Variants in PRELID2 observed in about 807,000 individuals in gnomAD.
PRELID2 encodes PRELI domain containing 2.
Under a neutral mutation model 28.4 loss-of-function variants are expected in PRELID2, and 25 were observed. The ratio of observed to expected loss-of-function variants is 0.88; its 90% CI spans 0.64 to 1.23. PRELID2 has a LOEUF of 1.23. Among genes scored for constraint, PRELID2 ranks in the 50% most tolerant of loss-of-function variants. PRELID2 has a pLI of 0.00. For synonymous variants in PRELID2, 76 were observed against 71.6 expected (o/e 1.06, Z -0.31); for missense variants, 201 against 214.4 (o/e 0.94, Z 0.39).
the PRELID2 span, among the ~76,000 whole-genome samples, chr5:145,363,314 CA>C: frequency 6.6e-6 from 1 of 151,932 alleles, no homozygotes; most frequent in South Asian, 2.1e-4. Context: ...TATTAGTATC[CA>C]AATTAGGGAA....
At chr5:145,411,690 C>G in the PRELID2 span, among the ~76,000 whole-genome samples, 1 of 152,188 alleles carries the variant, frequency 6.6e-6, no homozygotes, top group Non-Finnish European at 1.5e-5. Flanking sequence ...CTAGGCAGTG[C>G]TCCAGTGGAG....
the PRELID2 span, among the ~76,000 whole-genome samples, chr5:145,455,574 G>A: frequency 5.9e-5 from 9 of 152,308 alleles, no homozygotes; most frequent in Non-Finnish European, 7.4e-5. Flanking sequence ...TCCTATCCAT[G>A]AGCATGAAAT....
At chr5:145,832,773 C>CCACACCACACCACA (rs927396477) in intron 1 of PRELID2, among the ~76,000 whole-genome samples, 2 of 151,880 alleles carry the variant, frequency 1.3e-5, no homozygotes, top group African/African-American at 4.8e-5. Flanking sequence ...CATACACACA[C>CCACACCACACCACA]CACACCACAC....
intron 1 of PRELID2, among the ~76,000 whole-genome samples, chr5:145,567,847 A>G (rs1580980003): frequency 6.6e-6 from 1 of 152,172 alleles, no homozygotes; most frequent in South Asian, 2.1e-4. Context: ...TCCTTTCTAA[A>G]TTGTGTAATC....
chr5:145,426,826 G>A, the PRELID2 span, among the ~76,000 whole-genome samples: 2 of 152,164 alleles, frequency 1.3e-5, no homozygotes, highest in Non-Finnish European at 2.9e-5. Flanking sequence ...TATGGAGAAA[G>A]AAAAGAATAA....
the PRELID2 span, among the ~76,000 whole-genome samples, chr5:145,413,046 T>C: frequency 2.6e-5 from 4 of 152,144 alleles, no homozygotes; most frequent in Non-Finnish European, 5.9e-5. Flanking sequence ...CAATTCAAGA[T>C]GAGATTTTAG....
chr5:145,748,472 A>G lies in PRELID2; in HGVS notation n.70+16459T>C, dbSNP rs1275750035. Among the ~76,000 whole-genome samples, 10 of 152,192 alleles carry G rather than the reference A, an allele frequency of 6.6e-5. 1 individual carries two copies. In the South Asian group the frequency reaches 2.1e-3, roughly 31 times the overall value. ...ACAAACCACTGCTCAAGGATATAAA[A>G]GAGGACACAAACAAATGAAGAAACA... On this transcript the variant is annotated intron_variant and non_coding_transcript_variant, in intron 1 of 2. Coordinates refer to the PRELID2 transcript ENST00000510259.
chr5:145,811,063 C>T (rs1431267929), intron 4 of PRELID2, among the ~76,000 whole-genome samples: 3 of 107,722 alleles, frequency 2.8e-5, no homozygotes, highest in Non-Finnish European at 5.1e-5. Flanking sequence ...GCAAAAGGCA[C>T]GTCTTACATG....
At chr5:145,229,483 T>C in the PRELID2 span, 14 of 1,035,238 alleles carry the variant, frequency 1.4e-5, no homozygotes, top group Non-Finnish European at 1.9e-5. Context: ...CCCCTGACAT[T>C]CTCAAGATCC....
chr5:145,544,540 T>C (rs1026067760), intron 1 of PRELID2, among the ~76,000 whole-genome samples: 33 of 152,230 alleles, frequency 2.2e-4, no homozygotes, highest in East Asian at 1.4e-3. Flanking sequence ...TTCTGGAGAC[T>C]TGGCATCTCA....
chr5:145,298,826 T>C, the PRELID2 span, among the ~76,000 whole-genome samples: 1 of 152,190 alleles, frequency 6.6e-6, no homozygotes, highest in African/African-American at 2.4e-5. Context: ...TAAAGTTATA[T>C]ATTTTACAAT....
chr5:145,767,888 A>G (rs1378720589), intron 5 of PRELID2, among the ~76,000 whole-genome samples: 1 of 152,184 alleles, frequency 6.6e-6, no homozygotes, highest in Non-Finnish European at 1.5e-5. Flanking sequence ...ATCATTTCTG[A>G]AGATATAGTA....
At chr5:145,829,182 T>G (rs944544619) in intron 1 of PRELID2, among the ~76,000 whole-genome samples, 1 of 152,182 alleles carries the variant, frequency 6.6e-6, no homozygotes, top group Non-Finnish European at 1.5e-5. Flanking sequence ...ATTATAGGCA[T>G]GAGCCACCAT....
intron 1 of PRELID2, among the ~76,000 whole-genome samples, chr5:145,540,759 G>A (rs1024888731): frequency 2.7e-5 from 4 of 150,758 alleles, no homozygotes; most frequent in Non-Finnish European, 5.9e-5. Flanking sequence ...AAAAGAAAGG[G>A]AATAACAATC....
chr5:145,291,888 T>A, the PRELID2 span, among the ~76,000 whole-genome samples: 1 of 152,210 alleles, frequency 6.6e-6, no homozygotes, highest in Non-Finnish European at 1.5e-5. Flanking sequence ...GACTATCCTT[T>A]CTTGATTGAA....
chr5:145,375,664 C>A, the PRELID2 span, among the ~76,000 whole-genome samples: 3 of 152,180 alleles, frequency 2.0e-5, no homozygotes, highest in Non-Finnish European at 4.4e-5. Context: ...GTCCCTGAGC[C>A]TCTAGCTGGA....
chr5:145,318,598 T>A, the PRELID2 span, among the ~76,000 whole-genome samples: 2 of 152,168 alleles, frequency 1.3e-5, no homozygotes, highest in African/African-American at 4.8e-5. Flanking sequence ...GGCTTGTCTG[T>A]TTGGCTGCTG....
intron 1 of PRELID2, among the ~76,000 whole-genome samples, chr5:145,740,882 GTACATATATTTATCGATAAA>G (rs1756684417): frequency 1.1e-5 from 1 of 93,622 alleles, no homozygotes; most frequent in South Asian, 3.2e-4. Flanking sequence ...AAATATATAT[GTACATATATTTATCGATAAA>G]TATATATGTA....
At chr5:145,294,616 T>A in the PRELID2 span, among the ~76,000 whole-genome samples, 3 of 152,166 alleles carry the variant, frequency 2.0e-5, no homozygotes, top group African/African-American at 7.2e-5. Context: ...CCCGCTAAAG[T>A]TTGTCATTGT....
Sources: allele counts gnomAD v4.1 joint callset (sites outside exome capture counted in the v4.1 genomes callset), GRCh38; gene constraint gnomAD v4.1.1; transcripts MANE v1.5; gene names NCBI Gene and HGNC (gene_info 2026-07-23, HGNC 2026-07-21).